CPEB1: variants seen among roughly 807,000 people sequenced by gnomAD.
CPEB1 encodes cytoplasmic polyadenylation element-binding protein 1.
CPEB1 carries 7 observed loss-of-function variants against 65.8 expected under a neutral mutation model. The observed-to-expected ratio is 0.11, with a 90% confidence interval of 0.06 to 0.20. CPEB1 has a LOEUF of 0.20. CPEB1 is among the 10% of genes least tolerant of loss of function. The pLI, the probability that CPEB1 is intolerant of heterozygous loss-of-function variation, is 1.00. For synonymous variants in CPEB1, 262 were observed against 260.0 expected, an observed-to-expected ratio of 1.01 and a Z score of -0.08; for missense variants, 551 against 712.2, an observed-to-expected ratio of 0.77 and a Z score of 2.58.
At chr15:82,620,002 T>C (rs894628620) in intron 3 of CPEB1, among the ~76,000 whole-genome samples, 1 of 152,188 alleles carries the variant, frequency 6.6e-6, no homozygotes, top group Admixed American at 6.5e-5. Context: ...CTCAAATGCC[T>C]ATTAACAGTA....
intron 3 of CPEB1, 134 bp from the exon 4 acceptor site, chr15:82,571,666 G>T: frequency 6.9e-7 from 1 of 1,449,040 alleles, no homozygotes. Flanking sequence ...GGATGCTGCA[G>T]CCGCTGCCTC....
At chr15:82,572,856 G>C in intron 3 of CPEB1, 1 of 585,158 alleles carries the variant, frequency 1.7e-6, no homozygotes, top group Non-Finnish European at 2.9e-6. Context: ...CAGCAACAAA[G>C]ACTAAGAAAA....
chr15:82,550,897 AGAAAGAT>A (rs1380706840), intron 9 of CPEB1, among the ~76,000 whole-genome samples: 5 of 135,756 alleles, frequency 3.7e-5, no homozygotes, highest in Non-Finnish European at 7.8e-5. Flanking sequence ...AGTGAATCAA[AGAAAGAT>A]TAAATCCCTG....
intron 3 of CPEB1, among the ~76,000 whole-genome samples, chr15:82,614,847 A>AAG (rs1491321505): frequency 7.9e-5 from 10 of 125,854 alleles, no homozygotes; most frequent in East Asian, 2.4e-4. Context: ...TTTAAAATAT[A>AAG]AGTGTGTGTG....
intron 3 of CPEB1, among the ~76,000 whole-genome samples, chr15:82,598,309 C>T (rs1026690053): frequency 1.1e-4 from 17 of 152,052 alleles, no homozygotes; most frequent in Non-Finnish European, 2.9e-5. Context: ...GCCTGGCCAA[C>T]ATGGTGAAAC....
rs935953395 is a variant in CPEB1, at chr15:82,543,665, A to G, written c.*927T>C. 2 of 152,100 alleles carry G rather than the reference A, an allele frequency of 1.3e-5. No homozygotes were observed. Among genetic ancestry groups the G allele is most frequent in the African/African-American group, 4.8e-5 (2 of 41,282 alleles). 9.4% of individuals were successfully genotyped at this position (152,100 alleles called of 1,614,324 possible). ...AAGCAGCCCTTTTTAGCTCAGTTACAAAAGAAAAAAGTCCTGTGACTTTGT... is the reference window on the plus strand; with the variant it reads ...AAGCAGCCCTTTTTAGCTCAGTTACGAAAGAAAAAAGTCCTGTGACTTTGT... On this transcript the variant is annotated 3_prime_UTR_variant, in exon 13 of 13. Coordinates refer to ENST00000684509, the MANE Select transcript of CPEB1 (RefSeq NM_001365242.1).
At chr15:82,552,689 G>C in intron 8 of CPEB1, 73 bp from the exon 9 acceptor site, 1 of 1,519,030 alleles carries the variant, frequency 6.6e-7, no homozygotes. Context: ...CTTTGCAGCA[G>C]GGCGTTTCTT....
intron 4 of CPEB1, among the ~76,000 whole-genome samples, chr15:82,564,195 G>A (rs932827418): frequency 6.6e-6 from 1 of 152,198 alleles, no homozygotes; most frequent in Non-Finnish European, 1.5e-5. Flanking sequence ...GAAAGACAGA[G>A]AGTACGTATT....
intron 3 of CPEB1, among the ~76,000 whole-genome samples, chr15:82,592,890 G>A (rs1239253847): frequency 1.3e-5 from 2 of 151,730 alleles, no homozygotes; most frequent in Admixed American, 6.6e-5. Context: ...CCAGCTACTC[G>A]GGAGGCTGAG....
At chr15:82,549,728 G>C in intron 9 of CPEB1, 70 bp from the exon 10 acceptor site, 1 of 1,444,830 alleles carries the variant, frequency 6.9e-7, no homozygotes, top group Non-Finnish European at 9.7e-7. Context: ...GCACGGCAAG[G>C]TACGTGCTCT....
At chr15:82,625,783 A>G (rs1057310012) in intron 3 of CPEB1, among the ~76,000 whole-genome samples, 2 of 152,132 alleles carry the variant, frequency 1.3e-5, no homozygotes, top group Admixed American at 6.6e-5. Context: ...ATTGTTTTCA[A>G]GGACCATTTT....
intron 1 of CPEB1, among the ~76,000 whole-genome samples, chr15:82,633,418 G>A (rs560741249): frequency 4.3e-4 from 65 of 152,316 alleles, no homozygotes; most frequent in Non-Finnish European, 7.3e-4. Context: ...TGTCGCCCAC[G>A]CTGGAGCGCA....
rs2040026439 is a variant in CPEB1, at chr15:82,571,535, G to GT, written c.272-4dup. 3 of 1,612,678 alleles carry GT rather than the reference G, an allele frequency of 1.9e-6. No individual in the cohort carries two copies. The highest frequency in any genetic ancestry group is 3.3e-5 in the Admixed American group (2 of 59,900). ...TGTTTCTTCAGAGTCCTGGAAGTCT[G>GT]TTTTGGAAAGGAGCACAGCAGAAAC... On this transcript the variant is annotated splice_region_variant and splice_polypyrimidine_tract_variant and intron_variant, in intron 3 of 12. Coordinates refer to ENST00000684509, the MANE Select transcript of CPEB1 (RefSeq NM_001365242.1).
intron 4 of CPEB1, among the ~76,000 whole-genome samples, chr15:82,563,085 G>T (rs1271895975): frequency 6.6e-6 from 1 of 152,148 alleles, no homozygotes; most frequent in African/African-American, 2.4e-5. Context: ...ATAGTTTCAG[G>T]AAAAGTGATG....
chr15:82,608,360 G>C (rs1178156153), intron 3 of CPEB1, among the ~76,000 whole-genome samples: 1 of 152,102 alleles, frequency 6.6e-6, no homozygotes, highest in Non-Finnish European at 1.5e-5. Flanking sequence ...AACCACATAA[G>C]TGGGGCCTTG....
intron 3 of CPEB1, among the ~76,000 whole-genome samples, chr15:82,615,623 A>G (rs940044090): frequency 1.3e-5 from 2 of 152,200 alleles, no homozygotes; most frequent in Non-Finnish European, 1.5e-5. Flanking sequence ...ACTTCAGAAA[A>G]TATTTTATAA....
intron 3 of CPEB1, among the ~76,000 whole-genome samples, chr15:82,609,648 A>G (rs562326737): frequency 2.1e-4 from 32 of 152,220 alleles, no homozygotes; most frequent in African/African-American, 7.5e-4. Flanking sequence ...TAAAAAAAAA[A>G]AACAGAAGTT....
intron 1 of CPEB1, among the ~76,000 whole-genome samples, chr15:82,631,139 G>T (rs1380715442): frequency 6.6e-6 from 1 of 152,044 alleles, no homozygotes; most frequent in Non-Finnish European, 1.5e-5. Flanking sequence ...TATTCCTTAG[G>T]AGAGGAAGGA....
intron 10 of CPEB1, among the ~76,000 whole-genome samples, chr15:82,548,466 G>C (rs1418471555): frequency 1.3e-5 from 2 of 152,206 alleles, no homozygotes; most frequent in African/African-American, 4.8e-5. Flanking sequence ...TGACAGTGGA[G>C]ATCATGTTAG....
Sources: allele counts gnomAD v4.1 joint callset (sites outside exome capture counted in the v4.1 genomes callset), GRCh38; gene constraint gnomAD v4.1.1; transcripts MANE v1.5; gene names NCBI Gene and HGNC (gene_info 2026-07-23, HGNC 2026-07-21).